The following KCTD8 variants were observed in gnomAD, a reference collection of about 807,000 sequenced individuals.
KCTD8 encodes BTB/POZ domain-containing protein KCTD8.
A neutral mutation model predicts 31.5 loss-of-function variants in KCTD8; 27 were observed. The ratio of observed to expected loss-of-function variants is 0.86; its 90% CI spans 0.63 to 1.18. The LOEUF (loss-of-function observed/expected upper bound fraction) is 1.18. Among genes scored for constraint, KCTD8 ranks in the 50% most tolerant of loss-of-function variants. The pLI is 0.00. For synonymous variants in KCTD8, 290 were observed against 280.0 expected (o/e 1.04, Z -0.36); for missense variants, 658 against 647.7 (o/e 1.02, Z -0.17).
At chr4:44,202,818 G>A (rs1714189295) in intron 1 of KCTD8, among the ~76,000 whole-genome samples, 1 of 151,982 alleles carries the variant, frequency 6.6e-6, no homozygotes, top group Admixed American at 6.6e-5. Context: ...AATAATACTT[G>A]CATTGCACAA....
At chr4:44,231,021 T>C (rs1023801420) in intron 1 of KCTD8, among the ~76,000 whole-genome samples, 3 of 152,182 alleles carry the variant, frequency 2.0e-5, no homozygotes, top group African/African-American at 7.2e-5. Flanking sequence ...GGTCCTAAAT[T>C]CTATGAGTTT....
chr4:44,181,412 G>T (rs1479904282), intron 1 of KCTD8, among the ~76,000 whole-genome samples: 1 of 152,148 alleles, frequency 6.6e-6, no homozygotes, highest in East Asian at 1.9e-4. Flanking sequence ...CGCCTGACTG[G>T]TTTTCGTATT....
intron 1 of KCTD8, among the ~76,000 whole-genome samples, chr4:44,381,096 T>A (rs1008134306): frequency 6.6e-6 from 1 of 152,058 alleles, no homozygotes; most frequent in Non-Finnish European, 1.5e-5. Flanking sequence ...TTTATTTATA[T>A]GGAAATTCTT....
intron 1 of KCTD8, among the ~76,000 whole-genome samples, chr4:44,397,532 T>C (rs557983278): frequency 7.2e-4 from 109 of 152,214 alleles, no homozygotes; most frequent in African/African-American, 2.4e-3. Context: ...ATTAGATTGG[T>C]AAATAGGAGT....
chr4:44,218,940 C>A (rs1357903957), intron 1 of KCTD8, among the ~76,000 whole-genome samples: 2 of 152,294 alleles, frequency 1.3e-5, no homozygotes, highest in East Asian at 3.9e-4. Flanking sequence ...CAAGCAGTTT[C>A]ATTCTTTTCT....
chr4:44,251,480 T>C (rs1715832400), intron 1 of KCTD8, among the ~76,000 whole-genome samples: 1 of 151,696 alleles, frequency 6.6e-6, no homozygotes, highest in South Asian at 2.1e-4. Flanking sequence ...ATTTGTGTCT[T>C]TTCATGTCTT....
intron 1 of KCTD8, among the ~76,000 whole-genome samples, chr4:44,355,228 T>C (rs1719312839): frequency 6.6e-6 from 1 of 152,134 alleles, no homozygotes; most frequent in Non-Finnish European, 1.5e-5. Context: ...CAAAACATGA[T>C]TTTTTTCTGT....
At chr4:44,429,748 T>C (rs955857022) in intron 1 of KCTD8, among the ~76,000 whole-genome samples, 11 of 151,630 alleles carry the variant, frequency 7.3e-5, no homozygotes, top group Admixed American at 5.3e-4. Context: ...ATAAAAGGAA[T>C]AATCATTAAT....
rs369215385 is a variant in KCTD8 at position 44,219,011 on chromosome 4, T to A, written c.962-43761A>T. 8.5e-5 allele frequency among the ~76,000 whole-genome samples: 13 copies of A among 152,282 alleles called. No individual in the cohort carries two copies. The East Asian group carries it at 2.3e-3, about 27-fold the overall frequency. ...AAGCATGGCACCATCCTTTCCTGAC[T>A]TATCCTCCACCACCTCTCCATGAGA... is the stretch of plus-strand genomic sequence containing the variant. On this transcript the variant is annotated intron_variant, in intron 1 of 1. Transcript: ENST00000360029.
chr4:44,181,486 G>A (rs1261693801), intron 1 of KCTD8, among the ~76,000 whole-genome samples: 1 of 152,212 alleles, frequency 6.6e-6, no homozygotes, highest in Non-Finnish European at 1.5e-5. Context: ...AACCGCGAGT[G>A]ATCTGCCAGC....
intron 1 of KCTD8, among the ~76,000 whole-genome samples, chr4:44,376,405 T>C (rs1365902171): frequency 1.3e-5 from 2 of 152,172 alleles, no homozygotes; most frequent in Admixed American, 1.3e-4. Flanking sequence ...CCACCCCTAC[T>C]TCAGCCTTAA....
intron 1 of KCTD8, among the ~76,000 whole-genome samples, chr4:44,210,925 C>A (rs1463730651): frequency 6.6e-6 from 1 of 152,142 alleles, no homozygotes; most frequent in East Asian, 1.9e-4. Flanking sequence ...ACTAGGCATG[C>A]AGGCAAGTTA....
chr4:44,202,324 A>T (rs1714174944), intron 1 of KCTD8, among the ~76,000 whole-genome samples: 1 of 152,118 alleles, frequency 6.6e-6, no homozygotes, highest in Non-Finnish European at 1.5e-5. Flanking sequence ...AGACACATGC[A>T]CTCACATGTT....
chr4:44,368,007 G>A lies in KCTD8; in HGVS notation c.961+79556C>T, dbSNP rs573471082. On this transcript the variant is annotated intron_variant, in intron 1 of 1. Coordinates refer to ENST00000360029, the MANE Select transcript of KCTD8 (RefSeq NM_198353.3). ...AGTCATGCCCTGACAGTGAGATTAA[G>A]GATAAAATCAAGATTTTCAGACAAC... Among the ~76,000 whole-genome samples the A allele has an allele frequency of 2.0e-5, 3 of 152,272 alleles. No individual in the cohort carries two copies. In the South Asian group the frequency reaches 6.2e-4, roughly 32 times the overall value.
intron 1 of KCTD8, among the ~76,000 whole-genome samples, chr4:44,291,747 G>A (rs1379109914): frequency 1.3e-5 from 2 of 151,858 alleles, no homozygotes; most frequent in Non-Finnish European, 2.9e-5. Flanking sequence ...CCAATATCCA[G>A]AATCTATAAG....
chr4:44,268,984 C>G (rs1716485594), intron 1 of KCTD8, among the ~76,000 whole-genome samples: 1 of 152,032 alleles, frequency 6.6e-6, no homozygotes, highest in Non-Finnish European at 1.5e-5. Context: ...TTTATAGATT[C>G]AATGCCATCC....
chr4:44,254,757 C>T (rs1218971143), intron 1 of KCTD8, among the ~76,000 whole-genome samples: 2 of 151,842 alleles, frequency 1.3e-5, no homozygotes, highest in Non-Finnish European at 2.9e-5. Context: ...AGATGCTCTA[C>T]CTATTTTCCA....
chr4:44,319,894 G>A (rs187787762), intron 1 of KCTD8, among the ~76,000 whole-genome samples: 28 of 152,038 alleles, frequency 1.8e-4, no homozygotes, highest in Non-Finnish European at 2.9e-4. Flanking sequence ...ATTCTAGGCC[G>A]GGCGCAGTGG....
intron 1 of KCTD8, among the ~76,000 whole-genome samples, chr4:44,200,696 C>T (rs190482854): frequency 6.6e-6 from 1 of 152,132 alleles, no homozygotes; most frequent in East Asian, 1.9e-4. Flanking sequence ...TGAGAATGAA[C>T]ATCATACTGA....
Sources: gnomAD v4.1 joint callset for allele counts (sites outside exome capture counted in the v4.1 genomes callset) on GRCh38, gnomAD v4.1.1 for gene constraint, MANE v1.5 for transcripts, NCBI Gene and HGNC (gene_info 2026-07-23, HGNC 2026-07-21) for gene names.